The following MSH4 variants were observed in gnomAD, a reference collection of about 807,000 sequenced individuals.
MSH4 encodes mutS protein homolog 4.
Under a neutral mutation model 113.7 loss-of-function variants are expected in MSH4, and 106 were observed. The observed-to-expected ratio is 0.93, with a 90% CI of 0.80 to 1.10. The LOEUF (loss-of-function observed/expected upper bound fraction) is 1.10. Among genes scored for constraint, MSH4 ranks in the 50% least tolerant of loss-of-function variants. MSH4 has a pLI of 0.00. For synonymous variants in MSH4, 368 were observed against 380.2 expected, an observed-to-expected ratio of 0.97 and a Z score of 0.37; for missense variants, 1,061 against 1,093.7, an observed-to-expected ratio of 0.97 and a Z score of 0.42.
intron 15 of MSH4, 123 bp downstream of exon 15, chr1:75,883,944 T>C: frequency 1.4e-6 from 1 of 704,556 alleles, no homozygotes; most frequent in South Asian, 2.0e-5. Context: ...TTCTGTTACC[T>C]AAAAGTATAA....
intron 15 of MSH4, among the ~76,000 whole-genome samples, chr1:75,887,261 A>T (rs1390511693): frequency 6.6e-6 from 1 of 152,072 alleles, no homozygotes; most frequent in Non-Finnish European, 1.5e-5. Context: ...AGTGTTTGGC[A>T]GTTCCCACCT....
chr1:75,797,559 A>G (rs1267509418), intron 1 of MSH4, among the ~76,000 whole-genome samples: 1 of 152,194 alleles, frequency 6.6e-6, no homozygotes, highest in South Asian at 2.1e-4. Flanking sequence ...GCTGAATTTA[A>G]TTCTCCAAAT....
rs140131641 is a variant in MSH4 at position 75,816,392 on chromosome 1, G to A, written c.835G>A (p.Val279Ile). 28 of 1,603,768 alleles carry A rather than the reference G, an allele frequency of 1.7e-5. No individual in the cohort carries two copies. The East Asian group carries it at 3.1e-4, about 18-fold the overall frequency. ...VQSKYYCLAA[V>I]AALLKYVEFI... ...TTTTAGGTATTACTGCCTTGCAGCT[G>A]TTGCAGCTTTGTTAAAATATGTTGA... The change falls in exon 6 of 20, where the codon GTT becomes ATT. Residue 279 changes from valine (V) to isoleucine (I), a missense_variant. Transcript: ENST00000263187.
intron 8 of MSH4, among the ~76,000 whole-genome samples, chr1:75,854,013 GTATA>G (rs59347058): frequency 1.0e-4 from 12 of 116,838 alleles, no homozygotes; most frequent in Non-Finnish European, 2.3e-4. Context: ...GTGTGTGTGT[GTATA>G]TATATATATA....
At chr1:75,859,039 A>G (rs1455419111) in intron 8 of MSH4, among the ~76,000 whole-genome samples, 2 of 152,102 alleles carry the variant, frequency 1.3e-5, no homozygotes, top group Non-Finnish European at 2.9e-5. Context: ...TAGATTTTCT[A>G]GTTTATTTGC....
intron 9 of MSH4, among the ~76,000 whole-genome samples, chr1:75,874,073 T>C (rs1651767048): frequency 6.6e-6 from 1 of 152,196 alleles, no homozygotes; most frequent in South Asian, 2.1e-4. Flanking sequence ...CTCTACAAGC[T>C]CACCAGCATC....
chr1:75,800,862 G>A (rs1040823566), intron 1 of MSH4, among the ~76,000 whole-genome samples: 3 of 151,908 alleles, frequency 2.0e-5, no homozygotes, highest in Admixed American at 6.6e-5. Flanking sequence ...TAATAGAAAC[G>A]TTTCATACTT....
At chr1:75,892,398 C>T (rs1162799754) in intron 17 of MSH4, among the ~76,000 whole-genome samples, 2 of 137,964 alleles carry the variant, frequency 1.4e-5, no homozygotes, top group Admixed American at 7.4e-5. Context: ...CTCTCTCTTT[C>T]TCTCTCTCAC....
At chr1:75,803,132 T>C (rs1342927318) in intron 1 of MSH4, among the ~76,000 whole-genome samples, 1 of 152,162 alleles carries the variant, frequency 6.6e-6, no homozygotes, top group African/African-American at 2.4e-5. Context: ...GGGACAGATA[T>C]TCATACCTTA....
At chr1:75,865,324 T>C (rs1651539441) in intron 8 of MSH4, among the ~76,000 whole-genome samples, 1 of 152,146 alleles carries the variant, frequency 6.6e-6, no homozygotes, top group South Asian at 2.1e-4. Flanking sequence ...TCATAGTTAG[T>C]GTTTGCTCTG....
intron 10 of MSH4, 110 bp from the exon 11 acceptor site, chr1:75,878,038 CA>C: frequency 1.3e-6 from 1 of 755,580 alleles, no homozygotes; most frequent in East Asian, 3.0e-5. Flanking sequence ...TTAGTTATTT[CA>C]AAATAACTTT....
At chr1:75,848,801 G>T (rs982093154) in intron 8 of MSH4, among the ~76,000 whole-genome samples, 40 of 152,022 alleles carry the variant, frequency 2.6e-4, no homozygotes, top group African/African-American at 9.4e-4. Flanking sequence ...AAATATTAAG[G>T]AGTTATATAT....
chr1:75,896,523 C>A (rs1652388908), intron 17 of MSH4, among the ~76,000 whole-genome samples: 1 of 151,884 alleles, frequency 6.6e-6, no homozygotes. Context: ...TCTCAGCTCA[C>A]TGCAACTTCC....
chr1:75,879,245 C>G, intron 12 of MSH4, 117 bp downstream of exon 12: 1 of 850,822 alleles, frequency 1.2e-6, no homozygotes, highest in South Asian at 1.6e-5. Flanking sequence ...GTATCTTCTC[C>G]TATTCCTACC....
Position 75,885,899 on chromosome 1 carries a change from A to G in MSH4, c.2107+2078A>G, listed in dbSNP as rs1361982499. 2.4e-5 allele frequency among the ~76,000 whole-genome samples: 3 copies of G among 126,906 alleles called. No individual in the cohort carries two copies. The Admixed American group carries it at 2.8e-4, about 12-fold the overall frequency. The allele number at this position is 126,906 out of a possible 152,430, so 83.3% of individuals were successfully genotyped here. A position where few individuals can be genotyped will look rare whatever the true frequency, so the allele number is the denominator to read the frequency against. ...ATATAGTATATATTATATATGATGTATTATTTAGTATATATAATATATATG... is the reference window on the plus strand; with the variant it reads ...ATATAGTATATATTATATATGATGTGTTATTTAGTATATATAATATATATG... On this transcript the variant is annotated intron_variant, in intron 15 of 19. Coordinates refer to ENST00000263187, the MANE Select transcript of MSH4 (RefSeq NM_002440.4).
intron 7 of MSH4, among the ~76,000 whole-genome samples, chr1:75,836,724 G>C (rs1450716177): frequency 6.6e-6 from 1 of 152,088 alleles, no homozygotes. Context: ...TTGTTTCTGT[G>C]ATTACACAAC....
chr1:75,822,702 GA>G, intron 7 of MSH4, 121 bp downstream of exon 7: 1 of 505,072 alleles, frequency 2.0e-6, no homozygotes, highest in Non-Finnish European at 3.2e-6. Flanking sequence ...TTCTTTTATG[GA>G]AAATATTTTC....
At chr1:75,853,940 C>T (rs1651251691) in intron 8 of MSH4, among the ~76,000 whole-genome samples, 1 of 148,390 alleles carries the variant, frequency 6.7e-6, no homozygotes, top group African/African-American at 2.5e-5. Flanking sequence ...GATTTGAGCA[C>T]CAGGTGTACT....
intron 1 of MSH4, 25 bp downstream of exon 1, chr1:75,797,254 T>A: frequency 1.9e-6 from 3 of 1,587,056 alleles, no homozygotes; most frequent in Non-Finnish European, 2.6e-6. Flanking sequence ...GGTGGAGGAG[T>A]CTCCTTGAGG....
Sources: allele counts gnomAD v4.1 joint callset (sites outside exome capture counted in the v4.1 genomes callset), GRCh38; gene constraint gnomAD v4.1.1; transcripts MANE v1.5; gene names NCBI Gene and HGNC (gene_info 2026-07-23, HGNC 2026-07-21).